The following ADCY1 variants were observed in gnomAD, a reference collection of about 807,000 sequenced individuals.
ADCY1 encodes the protein adenylate cyclase 1.
Under a neutral mutation model 105.4 loss-of-function variants are expected in ADCY1, and 28 were observed. The ratio of observed to expected loss-of-function variants is 0.27; its 90% confidence interval spans 0.20 to 0.36. The LOEUF is 0.36. Among genes scored for constraint, ADCY1 ranks in the 10% least tolerant of loss-of-function variants. The pLI, the probability that ADCY1 is intolerant of heterozygous loss-of-function variation, is 1.00. For missense variants in ADCY1, 977 were observed against 1,434.2 expected, an observed-to-expected ratio of 0.68 and a Z score of 5.15; for synonymous variants, 655 against 623.8, an observed-to-expected ratio of 1.05 and a Z score of -0.75.
chr7:45,706,512 A>AAAAAAAAAAAAAAAAG (rs1554332713), intron 17 of ADCY1, among the ~76,000 whole-genome samples: 1 of 135,448 alleles, frequency 7.4e-6, no homozygotes. Flanking sequence ...AAAAAAAAAA[A>AAAAAAAAAAAAAAAAG]AGAATATAGA....
chr7:45,701,554 A>G (rs1246721840), intron 14 of ADCY1, among the ~76,000 whole-genome samples: 1 of 152,228 alleles, frequency 6.6e-6, no homozygotes, highest in African/African-American at 2.4e-5. Context: ...TAAATAAAAC[A>G]AAGCTATTAT....
At chr7:45,655,815 C>G (rs917840466) in intron 5 of ADCY1, among the ~76,000 whole-genome samples, 1 of 152,060 alleles carries the variant, frequency 6.6e-6, no homozygotes, top group Non-Finnish European at 1.5e-5. Context: ...TTTACTGTTT[C>G]ATGGCTTCGG....
chr7:45,699,389 G>T (rs1157580993), intron 14 of ADCY1, among the ~76,000 whole-genome samples: 2 of 152,204 alleles, frequency 1.3e-5, no homozygotes, highest in Non-Finnish European at 2.9e-5. Context: ...ATAGTAGTGA[G>T]TCCCCCATCT....
intron 8 of ADCY1, among the ~76,000 whole-genome samples, chr7:45,675,896 T>C (rs536714145): frequency 1.2e-4 from 19 of 152,210 alleles, no homozygotes; most frequent in Non-Finnish European, 2.4e-4. Context: ...TCTGTACGTT[T>C]ATATCTTTTG....
upstream of ADCY1, chr7:45,574,252 C>A (rs1472067486): frequency 1.6e-6 from 1 of 617,698 alleles, no homozygotes; most frequent in Non-Finnish European, 2.0e-6. This position sits in a 1 kb window ranked among gnomAD's most constrained non-coding sequence, Gnocchi z 7.0. Flanking sequence ...GGGGCGCGGG[C>A]TGTGCGCGCC....
intron 4 of ADCY1, among the ~76,000 whole-genome samples, chr7:45,624,096 G>A (rs780737949): frequency 3.3e-4 from 50 of 152,192 alleles, no homozygotes; most frequent in Non-Finnish European, 6.6e-4. Context: ...GAGGGAAAAT[G>A]TGGATGCTCC....
At position 45,679,698 on chromosome 7, in the gene ADCY1, C is replaced by T. The variant is rs764928409; in HGVS notation, c.1899-11C>T. The T allele has an allele frequency of 1.2e-6, 2 of 1,614,192 alleles. No homozygotes were observed. Among genetic ancestry groups the T allele is most frequent in the Admixed American group, 1.7e-5 (1 of 60,030 alleles). ...CACCTATCAGTGACTCTCATGTTTT[C>T]TGTCCCCCAGGAGTGTGGTCGTCCT... On this transcript the variant is annotated splice_polypyrimidine_tract_variant and intron_variant, in intron 10 of 19. Transcript: ENST00000297323.
At chr7:45,607,870 T>C (rs892757408) in intron 2 of ADCY1, among the ~76,000 whole-genome samples, 1 of 152,244 alleles carries the variant, frequency 6.6e-6, no homozygotes, top group Non-Finnish European at 1.5e-5. Context: ...TGATTTCATG[T>C]CTTTTATTGT....
chr7:45,648,898 G>T (rs2116060903), intron 5 of ADCY1, 101 bp downstream of exon 5: 2 of 1,455,024 alleles, frequency 1.4e-6, no homozygotes, highest in South Asian at 1.3e-5. Flanking sequence ...CCCCTCTCAG[G>T]GTCTCGCTTT....
intron 10 of ADCY1, among the ~76,000 whole-genome samples, chr7:45,679,353 G>C (rs991945762): frequency 2.0e-5 from 3 of 152,198 alleles, no homozygotes; most frequent in Non-Finnish European, 4.4e-5. Context: ...CCCAGCTAGA[G>C]AATAGCTCAG....
intron 6 of ADCY1, 35 bp downstream of exon 6, chr7:45,657,920 T>TTGGG: frequency 6.3e-5 from 29 of 460,226 alleles, no homozygotes; most frequent in Non-Finnish European, 9.8e-5. Flanking sequence ...GGGAGGGAGG[T>TTGGG]GGGTGATGGC....
At chr7:45,680,892 C>T (rs771440189) in intron 11 of ADCY1, among the ~76,000 whole-genome samples, 6 of 152,222 alleles carry the variant, frequency 3.9e-5, no homozygotes, top group South Asian at 2.1e-4. Flanking sequence ...GCAAGAAGAG[C>T]GATGACAAAG....
intron 1 of ADCY1, among the ~76,000 whole-genome samples, chr7:45,581,891 G>A (rs1792558029): frequency 1.3e-5 from 2 of 151,928 alleles, no homozygotes; most frequent in African/African-American, 4.8e-5. Flanking sequence ...CCTCCCAGAT[G>A]CATACACTCA....
At chr7:45,643,899 C>T (rs1349065400) in intron 4 of ADCY1, among the ~76,000 whole-genome samples, 8 of 152,234 alleles carry the variant, frequency 5.3e-5, no homozygotes, top group Non-Finnish European at 1.0e-4. Context: ...TCCCCTGAGG[C>T]AGGGAGGCTT....
chr7:45,664,870 G>A (rs902529065), intron 8 of ADCY1, among the ~76,000 whole-genome samples: 4 of 152,046 alleles, frequency 2.6e-5, no homozygotes, highest in African/African-American at 7.3e-5. Flanking sequence ...CCATCAACCC[G>A]TCATCTAGGT....
rs371218873 is a variant in ADCY1, at chr7:45,660,198, C to T, written c.1449+15C>T. On this transcript the variant is annotated intron_variant, in intron 7 of 19. Transcript: ENST00000297323. Reference sequence around the variant, plus strand: ...ATCGCCGAAAGGTAGGCACCAGAGCCCCCCTCATTTGGTTGATCCTTAGCT... The same window carrying T: ...ATCGCCGAAAGGTAGGCACCAGAGCTCCCCTCATTTGGTTGATCCTTAGCT... 53 of 1,613,910 alleles carry T rather than the reference C, an allele frequency of 3.3e-5. No homozygotes were observed. The East Asian group carries it at 7.4e-4, about 22-fold the overall frequency.
intron 5 of ADCY1, among the ~76,000 whole-genome samples, chr7:45,657,057 C>T (rs530017226): frequency 1.3e-5 from 2 of 152,378 alleles, no homozygotes; most frequent in African/African-American, 4.8e-5. Flanking sequence ...TCTCTCACCA[C>T]CTGCTCTGCC....
Position 45,679,803 on chromosome 7 carries a change from T to A in ADCY1, c.1983+10T>A, listed in dbSNP as rs12721475. On this transcript the variant is annotated intron_variant, in intron 11 of 19. Transcript: ENST00000297323. ...CATCACCCGGGTCCAGGTATGTGGG[T>A]GGCCTGTGTCCTGTACCTGCATATC... is the stretch of plus-strand genomic sequence containing the variant. 8.2e-5 allele frequency: 132 copies of A among 1,614,040 alleles called. 1 individual carries two copies. The East Asian group carries it at 2.9e-3, about 35-fold the overall frequency.
chr7:45,704,703 G>A (rs1785074830), intron 17 of ADCY1, 87 bp downstream of exon 17: 2 of 1,089,252 alleles, frequency 1.8e-6, no homozygotes, highest in African/African-American at 3.2e-5. Flanking sequence ...CTTCCACACT[G>A]GGGTTTGTTT....
Sources: allele counts gnomAD v4.1 joint callset (sites outside exome capture counted in the v4.1 genomes callset), GRCh38; gene constraint gnomAD v4.1.1; non-coding constraint Gnocchi (gnomAD v3.1); transcripts MANE v1.5; gene names NCBI Gene and HGNC (gene_info 2026-07-23, HGNC 2026-07-21).